ITSN1: variants seen among roughly 807,000 people sequenced by gnomAD.
ITSN1 encodes the protein intersectin-1.
ITSN1 carries 58 observed loss-of-function variants against 239.8 expected under a neutral mutation model. That is an observed-to-expected ratio of 0.24 (90% confidence interval 0.20 to 0.30). The LOEUF (loss-of-function observed/expected upper bound fraction) is 0.30. ITSN1 is among the 10% of genes least tolerant of loss of function. The pLI is 1.00. For missense variants in ITSN1, 1,558 were observed against 2,103.3 expected (o/e 0.74, Z 5.07); for synonymous variants, 780 against 770.8 (o/e 1.01, Z -0.20).
intron 26 of ITSN1, among the ~76,000 whole-genome samples, chr21:33,827,333 A>T (rs2074027876): frequency 6.6e-6 from 1 of 152,170 alleles, no homozygotes. Flanking sequence ...CCGGGAGGCC[A>T]AGGTGGCAGT....
intron 1 of ITSN1, among the ~76,000 whole-genome samples, chr21:33,696,499 G>C (rs1346010924): frequency 3.9e-5 from 6 of 152,274 alleles, no homozygotes. Flanking sequence ...TTACTTACTC[G>C]TTATCAAGGC....
At chr21:33,694,828 AAAAC>A (rs1179796706) in intron 1 of ITSN1, among the ~76,000 whole-genome samples, 1 of 152,094 alleles carries the variant, frequency 6.6e-6, no homozygotes, top group Non-Finnish European at 1.5e-5. Flanking sequence ...AAAAAAACAA[AAAAC>A]AAAAAACAGA....
chr21:33,855,259 C>A (rs1185564273), intron 29 of ITSN1, among the ~76,000 whole-genome samples: 2 of 152,144 alleles, frequency 1.3e-5, no homozygotes, highest in Non-Finnish European at 2.9e-5. Context: ...TCACAGATAC[C>A]CAGCCCCCAA....
chr21:33,845,265 G>A lies in ITSN1; in HGVS notation c.3661+8633G>A, dbSNP rs548326755. Among the ~76,000 whole-genome samples the A allele has an allele frequency of 1.4e-4, 21 of 151,984 alleles. 1 individual carries two copies. In the East Asian group the frequency reaches 3.9e-3, roughly 28 times the overall value. Reference sequence around the variant, plus strand: ...GGGGGGATGGAGACCTGGCTGCGGGGGAGGCACGTCCAAAGATCAAGGGGG... The same window carrying A: ...GGGGGGATGGAGACCTGGCTGCGGGAGAGGCACGTCCAAAGATCAAGGGGG... On this transcript the variant is annotated intron_variant, in intron 29 of 39. Transcript: ENST00000381318.
chr21:33,735,203 T>A lies in ITSN1; in HGVS notation c.345T>A (p.Phe115Leu). ...QPVAISSAPA[F>L]GMGGIASMPP... ...TTGCTATTTCTAGCGCACCAGCATT[T>A]GGTAAGTCTGAAAATGAATTGGTTT... Residue 115 changes from phenylalanine to leucine, a missense_variant and splice_region_variant, in exon 5 of 40, where the codon TTT (phenylalanine) becomes TTA (leucine). Around this residue, in one of 2 missense-constraint regions of ITSN1, gnomAD observed 982 missense variants for 1,209.9 expected, o/e 0.81. Transcript: ENST00000381318. 3 of 1,612,150 alleles carry A rather than the reference T, an allele frequency of 1.9e-6. No individual in the cohort carries two copies. The South Asian group carries it at 3.3e-5, about 18-fold the overall frequency.
At chr21:33,645,631 CAGAG>C (rs752297107) in intron 1 of ITSN1, among the ~76,000 whole-genome samples, 2 of 152,116 alleles carry the variant, frequency 1.3e-5, no homozygotes, top group Non-Finnish European at 2.9e-5. Flanking sequence ...GCCTGGGCGA[CAGAG>C]AGAGCGAGCC....
chr21:33,707,818 C>A (rs1405319208), intron 1 of ITSN1, among the ~76,000 whole-genome samples: 1 of 152,124 alleles, frequency 6.6e-6, no homozygotes, highest in African/African-American at 2.4e-5. Flanking sequence ...ATTTGGGTTT[C>A]AGTTTTTGGC....
intron 8 of ITSN1, among the ~76,000 whole-genome samples, chr21:33,759,699 T>A (rs1380670057): frequency 6.6e-6 from 1 of 152,202 alleles, no homozygotes; most frequent in East Asian, 1.9e-4. Flanking sequence ...CACGTGCTCA[T>A]GTATGCACAC....
intron 29 of ITSN1, among the ~76,000 whole-genome samples, chr21:33,840,777 C>T (rs748057003): frequency 5.3e-5 from 8 of 152,174 alleles, no homozygotes; most frequent in Non-Finnish European, 1.0e-4. Flanking sequence ...AGATTACAGG[C>T]GTGAGCCACT....
At chr21:33,674,166 G>A (rs1259820751) in intron 1 of ITSN1, among the ~76,000 whole-genome samples, 1 of 152,188 alleles carries the variant, frequency 6.6e-6, no homozygotes, top group Non-Finnish European at 1.5e-5. Context: ...GGACTCATTG[G>A]TACCTTTAAG....
chr21:33,735,477 C>T, intron 5 of ITSN1: 26 of 334,528 alleles, frequency 7.8e-5, no homozygotes, highest in South Asian at 3.7e-4. Flanking sequence ...GCTGCAGCTT[C>T]TGGGTTTTTT....
intron 1 of ITSN1, among the ~76,000 whole-genome samples, chr21:33,644,103 T>G (rs1392238628): frequency 6.6e-6 from 1 of 152,192 alleles, no homozygotes; most frequent in East Asian, 1.9e-4. Flanking sequence ...GACTTTAAGG[T>G]TGAGAGTGCA....
intron 1 of ITSN1, among the ~76,000 whole-genome samples, chr21:33,703,649 T>C (rs2092121725): frequency 6.6e-6 from 1 of 152,206 alleles, no homozygotes; most frequent in Admixed American, 6.5e-5. Flanking sequence ...GGGAAAAGAC[T>C]AAAAGGAAAT....
At chr21:33,655,725 G>A (rs1461901378) in intron 1 of ITSN1, among the ~76,000 whole-genome samples, 1 of 151,948 alleles carries the variant, frequency 6.6e-6, no homozygotes, top group Non-Finnish European at 1.5e-5. Context: ...GAGCCACTGC[G>A]AAGGGCCTTG....
chr21:33,736,665 G>A (rs1682959602), intron 5 of ITSN1, among the ~76,000 whole-genome samples: 1 of 152,130 alleles, frequency 6.6e-6, no homozygotes, highest in South Asian at 2.1e-4. Context: ...CCAATCTTTG[G>A]TCAGGACCCA....
rs1240127314 is a variant in ITSN1 at position 33,897,946 on chromosome 21, A to G, written c.*9646A>G. On this transcript the variant is annotated 3_prime_UTR_variant, in exon 40 of 40. Transcript: ENST00000381318. ...CAGGAAATATGATAAATTTCAGTGT[A>G]ATGGATGGTGGCGTGATCAAATGAA... 1 of 152,190 alleles carries G rather than the reference A, an allele frequency of 6.6e-6. No homozygotes were observed. The highest frequency in any genetic ancestry group is 1.5e-5 in the Non-Finnish European group (1 of 68,040). The allele number at this position is 152,190 out of a possible 1,614,324, so 9.4% of individuals were successfully genotyped here. A position where few individuals can be genotyped will look rare whatever the true frequency, so the allele number is the denominator to read the frequency against.
At chr21:33,737,252 C>T (rs1048098381) in intron 5 of ITSN1, among the ~76,000 whole-genome samples, 3 of 152,180 alleles carry the variant, frequency 2.0e-5, no homozygotes, top group Admixed American at 6.5e-5. Flanking sequence ...GTTTTACAGT[C>T]GTTAAGTAAC....
chr21:33,694,100 A>G (rs1002972853), intron 1 of ITSN1, among the ~76,000 whole-genome samples: 2 of 152,178 alleles, frequency 1.3e-5, no homozygotes, highest in African/African-American at 2.4e-5. Context: ...TGCAGCCTCC[A>G]ATTCCTGGGC....
chr21:33,824,433 A>G (rs532871423), intron 25 of ITSN1, among the ~76,000 whole-genome samples: 1 of 151,700 alleles, frequency 6.6e-6, no homozygotes, highest in African/African-American at 2.4e-5. Flanking sequence ...AACCAACAAG[A>G]ATTAACTCCT....
Sources: gnomAD v4.1 joint callset for allele counts (sites outside exome capture counted in the v4.1 genomes callset) on GRCh38, gnomAD v4.1.1 for gene constraint, gnomAD v4.1.1 regional missense constraint, MANE v1.5 for transcripts, NCBI Gene and HGNC (gene_info 2026-07-23, HGNC 2026-07-21) for gene names.